Variants in MAP7D2 observed in about 807,000 individuals in gnomAD.
The protein encoded by MAP7D2 is MAP7 domain-containing protein 2.
Under a neutral mutation model 63.5 loss-of-function variants are expected in MAP7D2, and 33 were observed. That is an observed-to-expected ratio of 0.52 (90% CI 0.39 to 0.70). MAP7D2 has a LOEUF of 0.70. Ranked by LOEUF, MAP7D2 falls within the 30% of genes least tolerant of loss-of-function variation. The probability of loss-of-function intolerance (pLI) is 0.00; values close to 1 mark genes in which losing one functional copy is unlikely to be tolerated. For missense variants in MAP7D2, 626 were observed against 604.0 expected (o/e 1.04, Z -0.38); for synonymous variants, 224 against 223.7 (o/e 1.00, Z -0.01).
chrX:20,023,524 G>C (rs2073730493), intron 10 of MAP7D2, among the ~76,000 whole-genome samples: 2 of 112,780 alleles, frequency 1.8e-5, no homozygotes, highest in Admixed American at 1.9e-4. Context: ...ACGAGGAGGA[G>C]TGGTAGGTGT....
intron 7 of MAP7D2, 34 bp from the exon 8 acceptor site, chrX:20,042,663 C>G (rs1312566050): frequency 8.3e-7 from 1 of 1,203,695 alleles, no homozygotes; most frequent in African/African-American, 1.8e-5. Flanking sequence ...CAGTCCATGA[C>G]TGGCACTACT....
At chrX:20,057,746 C>T (rs1186185605) in intron 3 of MAP7D2, among the ~76,000 whole-genome samples, 2 of 111,904 alleles carry the variant, frequency 1.8e-5, no homozygotes, top group African/African-American at 3.3e-5. Context: ...CTGGGCTAAT[C>T]ATAGCCCATT....
chrX:20,060,977 C>G (rs1253239886), intron 3 of MAP7D2, among the ~76,000 whole-genome samples: 1 of 109,431 alleles, frequency 9.1e-6, no homozygotes, highest in African/African-American at 3.3e-5. Context: ...CTCTCATGAG[C>G]TCCTAAGTAT....
chrX:20,027,761 A>G lies in MAP7D2; in HGVS notation c.1008-1809T>C, dbSNP rs1238275227. On this transcript the variant is annotated intron_variant, in intron 8 of 16. Transcript: ENST00000379643. Reference sequence around the variant, plus strand: ...AGAGGGAGAGAGAAGGCGGGGGGAGAGAGAGAGAGAGAGAGAGAGAGAGAG... The same window carrying G: ...AGAGGGAGAGAGAAGGCGGGGGGAGGGAGAGAGAGAGAGAGAGAGAGAGAG... 3.6e-3 allele frequency among the ~76,000 whole-genome samples: 199 copies of G among 55,576 alleles called. 2 individuals are homozygous for G. The highest frequency in any genetic ancestry group is 4.1e-3 in the Non-Finnish European group (129 of 31,314). The allele number at this position is 55,576 out of a possible 115,157, so 48.3% of individuals were successfully genotyped here. A position where few individuals can be genotyped will look rare whatever the true frequency, so the allele number is the denominator to read the frequency against.
At chrX:20,082,911 A>G (rs1261661646) in intron 1 of MAP7D2, among the ~76,000 whole-genome samples, 1 of 112,199 alleles carries the variant, frequency 8.9e-6, no homozygotes. Context: ...TACAGGCGTG[A>G]GCCACTGCGC....
chrX:20,028,176 C>A (rs1247013357), intron 8 of MAP7D2, among the ~76,000 whole-genome samples: 1 of 111,713 alleles, frequency 9.0e-6, no homozygotes, highest in Non-Finnish European at 1.9e-5. Context: ...GGCCTCTTTA[C>A]AGATGAGAAA....
chrX:20,100,992 G>A (rs1245497634), intron 1 of MAP7D2, among the ~76,000 whole-genome samples: 21 of 105,084 alleles, frequency 2.0e-4, no homozygotes, highest in Non-Finnish European at 2.7e-4. Flanking sequence ...CTGCACTCCA[G>A]CCTGGGCAAC....
chrX:20,092,602 T>C (rs1022047096), intron 1 of MAP7D2, among the ~76,000 whole-genome samples: 2 of 112,120 alleles, frequency 1.8e-5, no homozygotes, highest in African/African-American at 6.5e-5. Context: ...GGATGGTATA[T>C]AAAGCCTCTG....
chrX:20,113,826 TACAA>T (rs1410545245), intron 1 of MAP7D2, among the ~76,000 whole-genome samples: 3 of 112,088 alleles, frequency 2.7e-5, no homozygotes, highest in African/African-American at 9.7e-5. Flanking sequence ...TCCTTTGTGT[TACAA>T]ACAATCCAGT....
At position 20,016,954 on chromosome X, in the gene MAP7D2, A is replaced by AT. The variant is rs1398007857; in HGVS notation, c.1413-630dup. On this transcript the variant is annotated intron_variant, in intron 10 of 16. Transcript: ENST00000379643. ...CTTTGCTATATGAAAATTAAGTGGC[A>AT]TTTAGACATTTTCATCCACAGTCAG... 2.6e-5 allele frequency: 3 copies of AT among 114,736 alleles called. No individual in the cohort carries two copies. In the East Asian group the frequency reaches 8.3e-4, roughly 32 times the overall value. 9.5% of individuals were successfully genotyped at this position (114,736 alleles called of 1,213,427 possible). A position where few individuals can be genotyped will look rare whatever the true frequency, so the allele number is the denominator to read the frequency against.
intron 8 of MAP7D2, among the ~76,000 whole-genome samples, chrX:20,042,226 A>C (rs1273913433): frequency 8.9e-6 from 1 of 111,838 alleles, no homozygotes; most frequent in Non-Finnish European, 1.9e-5. Context: ...AGAAAAGCAG[A>C]ATGGAATTCA....
intron 12 of MAP7D2, among the ~76,000 whole-genome samples, chrX:20,014,696 C>T (rs2073324354): frequency 9.0e-6 from 1 of 111,690 alleles, no homozygotes; most frequent in Non-Finnish European, 1.9e-5. Context: ...TGGACAAATC[C>T]ATAATCACAG....
intron 10 of MAP7D2, among the ~76,000 whole-genome samples, chrX:20,023,121 A>T (rs1336932694): frequency 1.8e-5 from 2 of 112,563 alleles, no homozygotes; most frequent in African/African-American, 6.5e-5. Context: ...TCCAGAAAGT[A>T]TGGAAGGTTT....
chrX:20,046,504 G>A (rs1603371607), intron 6 of MAP7D2, among the ~76,000 whole-genome samples: 1 of 112,528 alleles, frequency 8.9e-6, no homozygotes, highest in East Asian at 2.8e-4. Flanking sequence ...TTCTGGAGTA[G>A]CTGCAGTTTG....
At chrX:20,048,840 G>C (rs2148307625) in intron 6 of MAP7D2, among the ~76,000 whole-genome samples, 1 of 109,941 alleles carries the variant, frequency 9.1e-6, no homozygotes, top group East Asian at 2.9e-4. Flanking sequence ...GAGGTGAGAG[G>C]AGGGCTTGGA....
chrX:20,108,894 G>C (rs2066648647), intron 1 of MAP7D2, among the ~76,000 whole-genome samples: 1 of 110,499 alleles, frequency 9.0e-6, no homozygotes, highest in African/African-American at 3.3e-5. Context: ...AGCCGATTAA[G>C]GGTATCTTCA....
At chrX:20,080,497 G>A (rs1318881909) in intron 1 of MAP7D2, among the ~76,000 whole-genome samples, 1 of 111,216 alleles carries the variant, frequency 9.0e-6, no homozygotes, top group Admixed American at 9.6e-5. Context: ...GACAGGGCAT[G>A]TAGGTCTGGG....
intron 8 of MAP7D2, among the ~76,000 whole-genome samples, chrX:20,031,823 T>C (rs762736249): frequency 8.9e-6 from 1 of 111,842 alleles, no homozygotes; most frequent in Non-Finnish European, 1.9e-5. Context: ...ACATTAGAAA[T>C]TAAGTAACAG....
chrX:20,010,393 G>A (rs147732964), intron 16 of MAP7D2, among the ~76,000 whole-genome samples: 1 of 111,673 alleles, frequency 9.0e-6, no homozygotes, highest in African/African-American at 3.3e-5. Flanking sequence ...ATAGAATGTG[G>A]GATGTCACTG....
Sources: gnomAD v4.1 joint callset for allele counts (sites outside exome capture counted in the v4.1 genomes callset) on GRCh38, gnomAD v4.1.1 for gene constraint, MANE v1.5 for transcripts, NCBI Gene and HGNC (gene_info 2026-07-23, HGNC 2026-07-21) for gene names.